The following ENTHD1 variants were observed in gnomAD, a reference collection of about 807,000 sequenced individuals.
The protein encoded by ENTHD1 is ENTH domain containing 1.
In ENTHD1, 23 loss-of-function variants were observed where a neutral mutation model predicts 39.1. The ratio of observed to expected loss-of-function variants is 0.59; its 90% CI spans 0.42 to 0.83. ENTHD1 has a LOEUF of 0.83. ENTHD1 is among the 40% of genes least tolerant of loss of function. The probability of loss-of-function intolerance (pLI) is 0.00; values close to 1 mark genes in which losing one functional copy is unlikely to be tolerated. For synonymous variants in ENTHD1, 230 were observed against 258.2 expected (o/e 0.89, Z 1.05); for missense variants, 624 against 705.4 (o/e 0.88, Z 1.31).
chr22:39,820,439 GA>G (rs1223533049), intron 5 of ENTHD1, among the ~76,000 whole-genome samples: 2 of 152,148 alleles, frequency 1.3e-5, no homozygotes, highest in Non-Finnish European at 2.9e-5. Flanking sequence ...ATTGAAAATT[GA>G]GAGTTCATGG....
intron 5 of ENTHD1, among the ~76,000 whole-genome samples, chr22:39,781,798 A>C (rs1229360277): frequency 6.6e-6 from 1 of 152,182 alleles, no homozygotes; most frequent in African/African-American, 2.4e-5. Flanking sequence ...AGATGACCCA[A>C]ATAACATCAG....
At position 39,835,895 on chromosome 22, in the gene ENTHD1, G is replaced by A; in HGVS notation, c.656C>T (p.Thr219Ile). ...HCQDVHLPTE[T>I]MLSQETLPLK... The stretch of plus-strand genomic sequence containing the variant: ...TGGAAGTGTTTCCTGGGACAACATA[G>A]TTTCTGTAGGCAAATGAACATCTTG... The change falls in exon 4 of 7, where the codon ACT becomes ATT. Residue 219 changes from threonine (T) to isoleucine (I), a missense_variant. Transcript: ENST00000325157. 6.2e-7 allele frequency: 1 copy of A among 1,608,808 alleles called. No homozygotes were observed.
rs562472473 is a variant in ENTHD1, at chr22:39,756,894, G to C, written c.1219+8329C>G. Among the ~76,000 whole-genome samples, 45 of 152,114 alleles carry C rather than the reference G, an allele frequency of 3.0e-4. No individual in the cohort carries two copies. The South Asian group carries it at 9.1e-3, about 31-fold the overall frequency. ...TTTGATTACTATAGCTTTACCGTAA[G>C]ACTTGAAATTAGGTAGTAGGAGTCC... On this transcript the variant is annotated intron_variant, in intron 6 of 6. Transcript: ENST00000325157.
At chr22:39,838,937 AT>A (rs749544564) in intron 3 of ENTHD1, among the ~76,000 whole-genome samples, 22 of 151,320 alleles carry the variant, frequency 1.5e-4, no homozygotes, top group Admixed American at 6.6e-4. Flanking sequence ...GACTTCATGT[AT>A]TTTTTTTTAA....
At chr22:39,838,749 T>TA (rs1459555728) in intron 3 of ENTHD1, among the ~76,000 whole-genome samples, 2 of 152,156 alleles carry the variant, frequency 1.3e-5, no homozygotes, top group Non-Finnish European at 2.9e-5. Flanking sequence ...GAAGAAATAT[T>TA]AAAACCTTTG....
chr22:39,753,455 C>G (rs1297730017), intron 6 of ENTHD1, among the ~76,000 whole-genome samples: 1 of 152,166 alleles, frequency 6.6e-6, no homozygotes, highest in Non-Finnish European at 1.5e-5. Context: ...GCAAATACAT[C>G]CCTCTCGTTT....
At chr22:39,851,085 A>G (rs2066034030) in intron 3 of ENTHD1, among the ~76,000 whole-genome samples, 1 of 151,986 alleles carries the variant, frequency 6.6e-6, no homozygotes, top group African/African-American at 2.4e-5. Flanking sequence ...TCACCCTTAA[A>G]TCATAGTCTT....
intron 6 of ENTHD1, among the ~76,000 whole-genome samples, chr22:39,756,316 T>TCACACA (rs924008247): frequency 3.6e-5 from 5 of 138,012 alleles, no homozygotes; most frequent in Non-Finnish European, 4.7e-5. Context: ...TCTCTCTCTC[T>TCACACA]CACACACACA....
intron 5 of ENTHD1, among the ~76,000 whole-genome samples, chr22:39,818,791 TC>T (rs1411998775): frequency 2.6e-5 from 4 of 152,086 alleles, no homozygotes; most frequent in African/African-American, 9.7e-5. Context: ...AATGGTGGGA[TC>T]CCCCCTCCGG....
In ENTHD1 at chr22:39,835,944, C is replaced by A. The variant is rs766390023; in HGVS notation, c.607G>T (p.Ala203Ser). 2.5e-6 allele frequency: 4 copies of A among 1,603,942 alleles called. No individual in the cohort carries two copies. The highest frequency in any genetic ancestry group is 3.4e-6 in the Non-Finnish European group (4 of 1,174,614). Residue 203 changes from alanine to serine, a missense_variant, in exon 4 of 7, where the codon GCA (alanine) becomes TCA (serine). Transcript: ENST00000325157. ...RLHNKRNVCKAGLKQEHCQDV... is the reference protein window; with the variant it reads ...RLHNKRNVCKSGLKQEHCQDV... ...TGGCAATGCTCTTGTTTCAATCCTG[C>A]CTTGCACACATTTCCTGTCAACAAT...
rs748543290 is a variant in ENTHD1 at position 39,756,340 on chromosome 22, GCA to G, written c.1219+8881_1219+8882del. Among the ~76,000 whole-genome samples the G allele has an allele frequency of 7.3e-3, 892 of 121,836 alleles. 14 individuals are homozygous for G. The highest frequency in any genetic ancestry group is 0.026 in the African/African-American group (856 of 32,776). The allele number at this position is 121,836 out of a possible 152,430, so 79.9% of individuals were successfully genotyped here. A position where few individuals can be genotyped will look rare whatever the true frequency, so the allele number is the denominator to read the frequency against. On this transcript the variant is annotated intron_variant, in intron 6 of 6. Coordinates refer to ENST00000325157, the MANE Select transcript of ENTHD1 (RefSeq NM_152512.4). ...CTCACACACACACACACACACACAC[GCA>G]CACACTTTTTCAGAGAGAGTCTCAC... is the stretch of plus-strand genomic sequence containing the variant.
At chr22:39,752,884 G>C (rs2065157993) in intron 6 of ENTHD1, among the ~76,000 whole-genome samples, 1 of 152,190 alleles carries the variant, frequency 6.6e-6, no homozygotes, top group Admixed American at 6.5e-5. Flanking sequence ...CTCAGGCTTT[G>C]CCAAGACACT....
At chr22:39,884,022 C>A (rs2066361440) in intron 2 of ENTHD1, among the ~76,000 whole-genome samples, 1 of 151,836 alleles carries the variant, frequency 6.6e-6, no homozygotes, top group African/African-American at 2.4e-5. Context: ...GAAAACTACA[C>A]AGCACTGTTG....
intron 4 of ENTHD1, among the ~76,000 whole-genome samples, chr22:39,834,418 A>G (rs2065893529): frequency 6.6e-6 from 1 of 152,234 alleles, no homozygotes; most frequent in Non-Finnish European, 1.5e-5. Context: ...GAAAATGCAA[A>G]TTAAAATCAC....
chr22:39,834,250 T>C (rs1397931246), intron 4 of ENTHD1, among the ~76,000 whole-genome samples: 5 of 152,158 alleles, frequency 3.3e-5, no homozygotes, highest in Non-Finnish European at 5.9e-5. Flanking sequence ...AAAGAACTTA[T>C]ATCCAGAATA....
At chr22:39,760,736 T>C (rs929713914) in intron 6 of ENTHD1, among the ~76,000 whole-genome samples, 1 of 152,086 alleles carries the variant, frequency 6.6e-6, no homozygotes, top group Non-Finnish European at 1.5e-5. Flanking sequence ...TACTATTCCA[T>C]ATTAATTCCT....
chr22:39,788,677 G>C (rs1438490254), intron 5 of ENTHD1, among the ~76,000 whole-genome samples: 3 of 152,130 alleles, frequency 2.0e-5, no homozygotes, highest in Non-Finnish European at 2.9e-5. Flanking sequence ...AAACAGCATT[G>C]CATGCTACAG....
chr22:39,864,143 T>G (rs998364435), intron 2 of ENTHD1, among the ~76,000 whole-genome samples: 1 of 152,200 alleles, frequency 6.6e-6, no homozygotes. Flanking sequence ...ACACTTATCT[T>G]TCCCCTGAAA....
At chr22:39,875,464 G>A in intron 2 of ENTHD1, 1 of 1,542,516 alleles carries the variant, frequency 6.5e-7, no homozygotes, top group Non-Finnish European at 8.7e-7. Context: ...TGAGCGGCCA[G>A]GCCGTGCGCC....
Sources: allele counts gnomAD v4.1 joint callset (sites outside exome capture counted in the v4.1 genomes callset), GRCh38; gene constraint gnomAD v4.1.1; transcripts MANE v1.5; gene names NCBI Gene and HGNC (gene_info 2026-07-23, HGNC 2026-07-21).